The following SETD9 variants were observed in gnomAD, a reference collection of about 807,000 sequenced individuals.
SETD9 encodes SET domain-containing protein 9.
SETD9 carries 37 observed loss-of-function variants against 36.4 expected under a neutral mutation model. The ratio of observed to expected loss-of-function variants is 1.02; its 90% CI spans 0.78 to 1.34. SETD9 has a LOEUF of 1.34. SETD9 is among the 40% of genes most tolerant of loss of function. The pLI is 0.00. For missense variants in SETD9, 323 were observed against 353.2 expected, an observed-to-expected ratio of 0.91 and a Z score of 0.69; for synonymous variants, 128 against 132.9, an observed-to-expected ratio of 0.96 and a Z score of 0.26.
intron 5 of SETD9, chr5:56,922,822 A>G: frequency 3.1e-6 from 1 of 320,582 alleles, no homozygotes; most frequent in Non-Finnish European, 5.9e-6. Flanking sequence ...TGGGGAACAC[A>G]AAAGAATAGA....
intron 5 of SETD9, chr5:56,922,881 C>G (rs1293784914): frequency 2.1e-6 from 1 of 471,820 alleles, no homozygotes; most frequent in East Asian, 3.8e-5. Flanking sequence ...AAGAGAGAAG[C>G]AGAGCTTAAA....
At chr5:56,915,017 A>G (rs753255441) in intron 5 of SETD9, 51 bp downstream of exon 5, 2 of 1,314,156 alleles carry the variant, frequency 1.5e-6, no homozygotes, top group Non-Finnish European at 2.1e-6. Context: ...CTGTACTTAA[A>G]AAAATATAGA....
At chr5:56,909,408 A>G (rs1748968851), upstream of SETD9, 8 of 407,984 alleles carry the variant, frequency 2.0e-5, no homozygotes, top group Non-Finnish European at 2.6e-5. Context: ...CGGAGAAAGA[A>G]AAAGTGGTCA....
At chr5:56,919,002 A>AAT (rs1426675479), downstream of SETD9, among the ~76,000 whole-genome samples, 25 of 152,176 alleles carry the variant, frequency 1.6e-4, no homozygotes, top group Admixed American at 1.5e-3. Flanking sequence ...GTCAAATAAT[A>AAT]ATAATATTTG....
downstream of SETD9, among the ~76,000 whole-genome samples, chr5:56,925,826 G>C (rs1749945854): frequency 6.6e-6 from 1 of 151,790 alleles, no homozygotes; most frequent in Non-Finnish European, 1.5e-5. Flanking sequence ...AGTACTGACA[G>C]TCCCCAACTT....
At chr5:56,928,899 A>G (rs1259360272), downstream of SETD9, 1 of 1,478,102 alleles carries the variant, frequency 6.8e-7, no homozygotes, top group Non-Finnish European at 9.4e-7. Context: ...TGGGCCCCCA[A>G]ATTTTCTTAT....
intron 1 of SETD9, chr5:56,910,064 G>T (rs944703769): frequency 7.0e-6 from 9 of 1,281,328 alleles, no homozygotes; most frequent in African/African-American, 1.5e-5. Context: ...GGGCCCGCGA[G>T]GCCGAGCTCG....
intron 1 of SETD9, chr5:56,910,017 G>A (rs1309673134): frequency 4.4e-6 from 6 of 1,349,428 alleles, no homozygotes; most frequent in Non-Finnish European, 5.7e-6. Flanking sequence ...AGGTGGGCGG[G>A]GCCTATGGCC....
At chr5:56,910,011 G>A (rs989166467) in intron 1 of SETD9, 2 of 1,350,390 alleles carry the variant, frequency 1.5e-6, no homozygotes, top group Non-Finnish European at 1.9e-6. Flanking sequence ...GGCTTCAGGT[G>A]GGCGGGGCCT....
intron 2 of SETD9, 46 bp downstream of exon 2, chr5:56,911,582 T>A (rs1238382265): frequency 1.4e-6 from 2 of 1,480,908 alleles, no homozygotes; most frequent in Non-Finnish European, 8.9e-7. Flanking sequence ...TCTTACGTAT[T>A]GATAAACATA....
Position 56,917,069 on chromosome 5 carries a change from A to T in SETD9, c.*167A>T. 1 of 1,277,382 alleles carries T rather than the reference A, an allele frequency of 7.8e-7. No homozygotes were observed. Among genetic ancestry groups the T allele is most frequent in the Non-Finnish European group, 9.8e-7 (1 of 1,017,880 alleles). 79.1% of individuals were successfully genotyped at this position (1,277,382 alleles called of 1,614,324 possible). The stretch of plus-strand genomic sequence containing the variant: ...ATTATATTTATGTTCCAATTTCATG[A>T]TAAAAGCTACTTGCTTCATTACAAT... On this transcript the variant is annotated 3_prime_UTR_variant, in exon 6 of 6. Transcript: ENST00000285947.
intron 5 of SETD9, among the ~76,000 whole-genome samples, chr5:56,924,574 T>G (rs937064049): frequency 1.3e-5 from 2 of 152,182 alleles, no homozygotes; most frequent in Admixed American, 1.3e-4. Context: ...GGACCAACGG[T>G]CTACAGCATC....
At chr5:56,909,560 G>A (rs1457105033), upstream of SETD9, 4 of 1,060,034 alleles carry the variant, frequency 3.8e-6, no homozygotes, top group Non-Finnish European at 3.9e-6. Context: ...GCCGAGCGCG[G>A]CCCCCTCTCC....
intron 5 of SETD9, chr5:56,924,071 C>A: frequency 6.3e-7 from 1 of 1,590,224 alleles, no homozygotes; most frequent in Non-Finnish European, 8.5e-7. Flanking sequence ...TTTTAAAAAA[C>A]CAACAAACTC....
In SETD9 at chr5:56,913,873, G is replaced by T; in HGVS notation, c.591-1G>T. The T allele has an allele frequency of 6.3e-7, 1 of 1,593,878 alleles. No homozygotes were observed. Among genetic ancestry groups the T allele is most frequent in the Non-Finnish European group, 8.6e-7 (1 of 1,162,298 alleles). ...TTAGCTAATGCTTTCACTTGTTTCAGATCTTGCAATGGGAGGGATCGACTC... is the reference window on the plus strand; with the variant it reads ...TTAGCTAATGCTTTCACTTGTTTCATATCTTGCAATGGGAGGGATCGACTC... On this transcript the variant is annotated splice_acceptor_variant, in intron 3 of 5. Transcript: ENST00000285947. LOFTEE classifies it high-confidence loss of function.
At chr5:56,923,091 TG>T in intron 5 of SETD9, 1 of 1,578,654 alleles carries the variant, frequency 6.3e-7, no homozygotes, top group South Asian at 1.1e-5. Flanking sequence ...TCAAGTTTAC[TG>T]GTGCTGCACA....
In SETD9 at chr5:56,911,269, G is replaced by T; in HGVS notation, c.199G>T (p.Asp67Tyr). ...AGTTTTCCAGGCTCTATTCTTAAAT[G>T]ATTTCAATAAACAATCAGAAATCTT... ...LKVFQALFLN[D>Y]FNKQSEILSM... The change falls in exon 2 of 6, where the codon GAT becomes TAT. Residue 67 changes from aspartate to tyrosine, a missense_variant. Transcript: ENST00000285947. The T allele has an allele frequency of 2.5e-6, 4 of 1,611,288 alleles. No individual in the cohort carries two copies. The highest frequency in any genetic ancestry group is 1.1e-5 in the South Asian group (1 of 90,472).
chr5:56,910,453 C>A, intron 1 of SETD9: 1 of 1,234,576 alleles, frequency 8.1e-7, no homozygotes, highest in Non-Finnish European at 1.1e-6. Flanking sequence ...CCGTGCTCAC[C>A]AAAGAGGCCG....
chr5:56,911,544 C>A lies in SETD9; in HGVS notation c.466+8C>A. 1 of 1,530,560 alleles carries A rather than the reference C, an allele frequency of 6.5e-7. No homozygotes were observed. The allele number at this position is 1,530,560 out of a possible 1,614,324, so 94.8% of individuals were successfully genotyped here. On this transcript the variant is annotated splice_region_variant and intron_variant, in intron 2 of 5. Coordinates refer to ENST00000285947, the MANE Select transcript of SETD9 (RefSeq NM_153706.4). ...TCGTATCTATGTATCCTGGTAACAGCACGATTAATATTATACTTTGCCAAG... is the reference window on the plus strand; with the variant it reads ...TCGTATCTATGTATCCTGGTAACAGAACGATTAATATTATACTTTGCCAAG...
Sources: allele counts gnomAD v4.1 joint callset (sites outside exome capture counted in the v4.1 genomes callset), GRCh38; gene constraint gnomAD v4.1.1; transcripts MANE v1.5; gene names NCBI Gene and HGNC (gene_info 2026-07-23, HGNC 2026-07-21).